ATG2A: variants seen among roughly 807,000 people sequenced by gnomAD.
ATG2A encodes the protein autophagy related 2A.
In ATG2A, 103 loss-of-function variants were observed where a neutral mutation model predicts 214.2. The ratio of observed to expected loss-of-function variants is 0.48; its 90% CI spans 0.41 to 0.57. ATG2A has a LOEUF of 0.57. ATG2A is among the 20% of genes least tolerant of loss of function. The probability of loss-of-function intolerance (pLI) is 0.00; values close to 1 mark genes in which losing one functional copy is unlikely to be tolerated. For synonymous variants in ATG2A, 1,160 were observed against 1,142.1 expected (o/e 1.02, Z -0.32); for missense variants, 2,312 against 2,613.2 (o/e 0.88, Z 2.51).
In ATG2A at chr11:64,913,690, C is replaced by T; in HGVS notation, c.590+131G>A. 1.0e-6 allele frequency: 1 copy of T among 965,708 alleles called. No homozygotes were observed. The highest frequency in any genetic ancestry group is 1.6e-6 in the Non-Finnish European group (1 of 641,264). The allele number at this position is 965,708 out of a possible 1,614,324, so 59.8% of individuals were successfully genotyped here. ...CTCACGATGCAGCCCACCTCCCCAA[C>T]CCTACCACCACCGAGGCCCATCCAG... On this transcript the variant is annotated intron_variant, in intron 4 of 40. Transcript: ENST00000377264. This position sits in a 1 kb window ranked among gnomAD's most constrained non-coding sequence, Gnocchi z 4.3.
In ATG2A at chr11:64,903,213, G is replaced by A; in HGVS notation, c.3612+75C>T. 7.1e-7 allele frequency: 1 copy of A among 1,405,428 alleles called. No homozygotes were observed. The highest frequency in any genetic ancestry group is 1.2e-5 in the South Asian group (1 of 85,552). The allele number at this position is 1,405,428 out of a possible 1,614,324, so 87.1% of individuals were successfully genotyped here. A position where few individuals can be genotyped will look rare whatever the true frequency, so the allele number is the denominator to read the frequency against. On this transcript the variant is annotated intron_variant, in intron 26 of 40. Coordinates refer to ENST00000377264, the MANE Select transcript of ATG2A (RefSeq NM_015104.3). The surrounding 1 kb of genome is among the most constrained non-coding windows in gnomAD (Gnocchi z 4.2). ...GTCCGGAGCCCAGGCACGTGAGGGA[G>A]CAGCAGCCCCTGAAGACTCCCTTGG... is the stretch of plus-strand genomic sequence containing the variant.
chr11:64,912,019 C>T, intron 8 of ATG2A, 37 bp from the exon 9 acceptor site: 2 of 1,613,502 alleles, frequency 1.2e-6, no homozygotes, highest in Non-Finnish European at 1.7e-6. Flanking sequence ...GACAGCCGAC[C>T]CCAGCCCCTA....
chr11:64,905,658 G>A lies in ATG2A; in HGVS notation c.3372-3C>T, dbSNP rs1427800194. On this transcript the variant is annotated splice_region_variant and splice_polypyrimidine_tract_variant and intron_variant, in intron 23 of 40. Coordinates refer to ENST00000377264, the MANE Select transcript of ATG2A (RefSeq NM_015104.3). ...CACGCACTGGGAGGTAGAGTGGCCT[G>A]GGGGTGATACTCGGGCTGGGGCCGG... 7 of 1,613,778 alleles carry A rather than the reference G, an allele frequency of 4.3e-6. No individual in the cohort carries two copies. The highest frequency in any genetic ancestry group is 5.9e-6 in the Non-Finnish European group (7 of 1,179,946).
chr11:64,907,920 G>A (rs1280510328), intron 16 of ATG2A, 30 bp from the exon 17 acceptor site: 1 of 1,602,610 alleles, frequency 6.2e-7, no homozygotes, highest in African/African-American at 1.3e-5. Context: ...AAGAGCAGGA[G>A]AGTCATCTTA....
At position 64,903,499 on chromosome 11, in the gene ATG2A, C is replaced by CA; in HGVS notation, c.3535+90dup. 1 of 1,484,138 alleles carries CA rather than the reference C, an allele frequency of 6.7e-7. No homozygotes were observed. The highest frequency in any genetic ancestry group is 1.3e-5 in the South Asian group (1 of 79,900). 91.9% of individuals were successfully genotyped at this position (1,484,138 alleles called of 1,614,324 possible). A position where few individuals can be genotyped will look rare whatever the true frequency, so the allele number is the denominator to read the frequency against. ...TACGTGTGGGAGCTAAGGACCCGGC[C>CA]AGCAGCTGCGGGGAGACACCTGGCT... On this transcript the variant is annotated intron_variant, in intron 25 of 40. Coordinates refer to ENST00000377264, the MANE Select transcript of ATG2A (RefSeq NM_015104.3). This position sits in a 1 kb window ranked among gnomAD's most constrained non-coding sequence, Gnocchi z 4.2.
intron 24 of ATG2A, among the ~76,000 whole-genome samples, chr11:64,904,843 T>C (rs1315481299): frequency 6.6e-6 from 1 of 152,086 alleles, no homozygotes; most frequent in African/African-American, 2.4e-5. Flanking sequence ...TATCTATCTA[T>C]CTATCTATCT....
chr11:64,913,298 C>A lies in ATG2A; in HGVS notation c.694G>T (p.Val232Phe), dbSNP rs1251224991. ...FLHKLLQLAG[V>F]RLHYEELPAQ... The stretch of plus-strand genomic sequence containing the variant: ...GGGAGCTCCTCGTAGTGCAGGCGGA[C>A]CCCTGCCAGCTGCAGCAGCTTGTGC... Residue 232 changes from valine (V) to phenylalanine (F), a missense_variant, in exon 5 of 41, where the codon GTC becomes TTC. Transcript: ENST00000377264. The surrounding 1 kb of genome is among the most constrained non-coding windows in gnomAD (Gnocchi z 4.3). 4 of 1,610,220 alleles carry A rather than the reference C, an allele frequency of 2.5e-6. No individual in the cohort carries two copies. The highest frequency in any genetic ancestry group is 2.7e-5 in the African/African-American group (2 of 74,900).
rs550399954 is a variant in ATG2A at position 64,895,991 on chromosome 11, A to C, written c.5427+471T>G. On this transcript the variant is annotated intron_variant, in intron 39 of 40. Coordinates refer to ENST00000377264, the MANE Select transcript of ATG2A (RefSeq NM_015104.3). The surrounding 1 kb of genome is among the most constrained non-coding windows in gnomAD (Gnocchi z 5.0). Reference sequence around the variant, plus strand: ...GAGCTTGCAGGTTCCAGAATGCACCATGCACCTGCACTCACCCCTTAGCCG... The same window carrying C: ...GAGCTTGCAGGTTCCAGAATGCACCCTGCACCTGCACTCACCCCTTAGCCG... 1.3e-5 allele frequency among the ~76,000 whole-genome samples: 2 copies of C among 152,206 alleles called. No individual in the cohort carries two copies. Among genetic ancestry groups the C allele is most frequent in the South Asian group, 2.1e-4 (1 of 4,820 alleles).
intron 37 of ATG2A, 153 bp from the exon 38 acceptor site, chr11:64,897,022 T>G: frequency 9.2e-7 from 1 of 1,085,530 alleles, no homozygotes; most frequent in Non-Finnish European, 1.3e-6. Context: ...AGGGACTGTG[T>G]CCTTTTTTTT....
rs150285697 is a variant in ATG2A at position 64,900,536 on chromosome 11, G to A, written c.4422C>T (p.Ser1474=). The change falls in exon 31 of 41, where the codon AGC becomes AGT. Residue 1474 remains serine (S), a synonymous_variant. Coordinates refer to ENST00000377264, the MANE Select transcript of ATG2A (RefSeq NM_015104.3). ...CCATGAGGACATGGTGCTGCCGCCC[G>A]CTGCCCCCCTGCGTGCGCCATGAGT... ...PQNSWRTQGG[S]GRQHHVLMEI... is the part of the protein sequence containing the mutation. 2.7e-5 allele frequency: 43 copies of A among 1,613,238 alleles called. No individual in the cohort carries two copies. The highest frequency in any genetic ancestry group is 6.7e-5 in the East Asian group (3 of 44,898).
rs1944876104 is a variant in ATG2A at position 64,913,881 on chromosome 11, C to T, written c.530G>A (p.Arg177Lys). The T allele has an allele frequency of 1.9e-6, 3 of 1,614,052 alleles. No homozygotes were observed. The highest frequency in any genetic ancestry group is 2.5e-6 in the Non-Finnish European group (3 of 1,180,024). ...CCCATCACCCGGAGAGTGCTCCACCCTCACGACAGTGTCCAGGAAGGTCAC... is the reference window on the plus strand; with the variant it reads ...CCCATCACCCGGAGAGTGCTCCACCTTCACGACAGTGTCCAGGAAGGTCAC... ...IKVTFLDTVV[R>K]VEHSPGDGER... Residue 177 changes from arginine (R) to lysine (K), a missense_variant, in exon 4 of 41, where the codon AGG becomes AAG. Physicochemically the swap from Arg to Lys is conservative, Grantham distance 26 (BLOSUM62 2). Coordinates refer to ENST00000377264, the MANE Select transcript of ATG2A (RefSeq NM_015104.3). The surrounding 1 kb of genome is among the most constrained non-coding windows in gnomAD (Gnocchi z 4.3).
In ATG2A at chr11:64,896,643, C is replaced by A. The variant is rs112253332; in HGVS notation, c.5273-27G>T. The A allele has an allele frequency of 3.8e-3, 6,130 of 1,608,590 alleles. 174 individuals carry two copies. In the African/African-American group the frequency reaches 0.07, roughly 18 times the overall value. On this transcript the variant is annotated intron_variant, in intron 38 of 40. Transcript: ENST00000377264. ...TAGGGGGAAGGAGCGCTCAGAGACACCCGAGGCTGCCCTGCCCCCACCTCC... is the reference window on the plus strand; with the variant it reads ...TAGGGGGAAGGAGCGCTCAGAGACAACCGAGGCTGCCCTGCCCCCACCTCC...
chr11:64,898,038 T>A lies in ATG2A; in HGVS notation c.4858+48A>T. The A allele has an allele frequency of 6.2e-7, 1 of 1,609,470 alleles. No individual in the cohort carries two copies. The highest frequency in any genetic ancestry group is 8.5e-7 in the Non-Finnish European group (1 of 1,178,370). ...GAATGACTGGGAACCTGTGCTGTCC[T>A]GGGAGGCAGAAGGCCCAGACGCTCC... is the stretch of plus-strand genomic sequence containing the variant. On this transcript the variant is annotated intron_variant, in intron 34 of 40. Coordinates refer to ENST00000377264, the MANE Select transcript of ATG2A (RefSeq NM_015104.3). The surrounding 1 kb of genome is among the most constrained non-coding windows in gnomAD (Gnocchi z 4.5).
At chr11:64,908,145 C>T (rs1177099718) in intron 16 of ATG2A, among the ~76,000 whole-genome samples, 1 of 152,194 alleles carries the variant, frequency 6.6e-6, no homozygotes, top group Admixed American at 6.5e-5. Context: ...AGGCTGGGCG[C>T]GGTGGCTCAC....
rs754628457 is a variant in ATG2A at position 64,907,406 on chromosome 11, G to A, written c.2681C>T (p.Ser894Leu). ...NCFDLTPDSD[S>L]DDEDAHFFSV... ...GAAGAAGTGGGCATCCTCGTCATCC[G>A]AGTCCGAGTCTGGGGTGAGATCAAA... is the stretch of plus-strand genomic sequence containing the variant. Residue 894 changes from serine to leucine, a missense_variant, in exon 19 of 41, where the codon TCG becomes TTG. Transcript: ENST00000377264. 5.7e-6 allele frequency: 9 copies of A among 1,586,040 alleles called. No individual in the cohort carries two copies. The East Asian group carries it at 6.9e-5, about 12-fold the overall frequency.
chr11:64,901,050 G>T lies in ATG2A; in HGVS notation c.4162C>A (p.Pro1388Thr). Residue 1388 changes from proline to threonine, a missense_variant, in exon 30 of 41, where the codon CCC (proline) becomes ACC (threonine). Physicochemically the swap from Pro to Thr is conservative, Grantham distance 38. Coordinates refer to ENST00000377264, the MANE Select transcript of ATG2A (RefSeq NM_015104.3). ...AAGTAACCGTCCCTCACAACGATGG[G>T]GCCGGGATGCAGCTGTGTCACCACA... The part of the protein sequence containing the change: ...EPVVTQLHPG[P>T]IVVRDGYFSR... The T allele has an allele frequency of 6.3e-7, 1 of 1,583,882 alleles. No homozygotes were observed. The highest frequency in any genetic ancestry group is 1.2e-5 in the South Asian group (1 of 86,892).
chr11:64,906,581 C>T (rs761498883), intron 20 of ATG2A, 48 bp from the exon 21 acceptor site: 5 of 1,608,886 alleles, frequency 3.1e-6, no homozygotes. Flanking sequence ...TGGCTACCCA[C>T]TCCACCCAGG....
At position 64,900,896 on chromosome 11, in the gene ATG2A, T is replaced by A; in HGVS notation, c.4316A>T (p.His1439Leu). Residue 1439 changes from histidine (H) to leucine (L), a missense_variant, in exon 30 of 41, where the codon CAC becomes CTC. Physicochemically the swap from His to Leu is moderately conservative, Grantham distance 99. Coordinates refer to ENST00000377264, the MANE Select transcript of ATG2A (RefSeq NM_015104.3). ...HLYGGRDFGP[H>L]PGHRARTGLS... ...CGCTCCTCCTCACCTGTGGCCGGGG[T>A]GGGGGCCAAAGTCTCGGCCCCCATA... 1 of 1,560,226 alleles carries A rather than the reference T, an allele frequency of 6.4e-7. No homozygotes were observed. Among genetic ancestry groups the A allele is most frequent in the Non-Finnish European group, 8.7e-7 (1 of 1,153,066 alleles).
At chr11:64,899,377 C>G (rs1175107023) in intron 31 of ATG2A, among the ~76,000 whole-genome samples, 1 of 152,178 alleles carries the variant, frequency 6.6e-6, no homozygotes, top group Non-Finnish European at 1.5e-5. Context: ...CCTTCCTTCC[C>G]CCTCTTCCTG....
Sources: gnomAD v4.1 joint callset for allele counts (sites outside exome capture counted in the v4.1 genomes callset) on GRCh38, gnomAD v4.1.1 for gene constraint, Gnocchi (gnomAD v3.1) non-coding constraint, MANE v1.5 for transcripts, NCBI Gene and HGNC (gene_info 2026-07-23, HGNC 2026-07-21) for gene names.